Variants in SYTL2 observed in about 807,000 individuals in gnomAD.
SYTL2 encodes the protein synaptotagmin like 2.
SYTL2 carries 165 observed loss-of-function variants against 198.7 expected under a neutral mutation model. The ratio of observed to expected loss-of-function variants is 0.83; its 90% CI spans 0.73 to 0.94. The LOEUF (loss-of-function observed/expected upper bound fraction) is 0.94. Ranked by LOEUF, SYTL2 falls within the 40% of genes least tolerant of loss-of-function variation. The pLI is 0.00. For missense variants in SYTL2, 2,835 were observed against 2,582.8 expected, an observed-to-expected ratio of 1.10 and a Z score of -2.12; for synonymous variants, 966 against 917.7, an observed-to-expected ratio of 1.05 and a Z score of -0.95.
Position 85,697,991 on chromosome 11 carries a change from G to T in SYTL2, c.6356C>A (p.Ser2119Tyr), listed in dbSNP as rs371336843. 7.5e-6 allele frequency: 12 copies of T among 1,610,346 alleles called. No homozygotes were observed. The highest frequency in any genetic ancestry group is 9.3e-6 in the Non-Finnish European group (11 of 1,176,804). ...TCAATACTATTACCATTTAACAAAA[G>T]AATTTAGATGACTTCCCCTTAGCAG... ...LPLLRGSHLN[S>Y]FVKCTILPDT... is the part of the protein sequence containing the mutation. Residue 2119 changes from serine (S) to tyrosine (Y), a missense_variant, in exon 18 of 20, where the codon TCT (serine) becomes TAT (tyrosine). Around this residue, in one of 3 missense-constraint regions of SYTL2, gnomAD observed 185 missense variants for 182.1 expected, o/e 1.02. Coordinates refer to ENST00000359152, the MANE Select transcript of SYTL2 (RefSeq NM_206927.4).
At chr11:85,715,880 T>C (rs896728273) in intron 11 of SYTL2, among the ~76,000 whole-genome samples, 4 of 152,228 alleles carry the variant, frequency 2.6e-5, no homozygotes, top group Non-Finnish European at 5.9e-5. Context: ...TGTTGGATGA[T>C]GCTATGAAGG....
chr11:85,802,079 G>T (rs1343818473), intron 1 of SYTL2, among the ~76,000 whole-genome samples: 1 of 152,026 alleles, frequency 6.6e-6, no homozygotes, highest in African/African-American at 2.4e-5. Context: ...CTCCCAAAGT[G>T]CTGGGAATAC....
chr11:85,797,838 TTTGTTG>T (rs532015361), intron 1 of SYTL2, among the ~76,000 whole-genome samples: 2 of 151,112 alleles, frequency 1.3e-5, no homozygotes, highest in Admixed American at 1.3e-4. Context: ...CCACAAAGTT[TTTGTTG>T]TTGTTGTTGT....
At chr11:85,740,177 T>C (rs889822161) in intron 4 of SYTL2, among the ~76,000 whole-genome samples, 5 of 152,200 alleles carry the variant, frequency 3.3e-5, no homozygotes, top group African/African-American at 1.2e-4. Context: ...CCATCCACCA[T>C]CTGCCCCAAT....
chr11:85,724,180 T>G lies in SYTL2; in HGVS notation c.5178A>C (p.Glu1726Asp), dbSNP rs2088778395. 6.2e-7 allele frequency: 1 copy of G among 1,604,588 alleles called. No homozygotes were observed. The highest frequency in any genetic ancestry group is 1.3e-5 in the African/African-American group (1 of 74,094). ...CAACTTTACTTGTTTTTGTAGAGTT[T>G]TCTTTGTTCATCAGGAGAGGAATGG... is the stretch of plus-strand genomic sequence containing the variant. ...RQPIPLLMNK[E>D]NSTKTSKVEL... is the part of the protein sequence containing the mutation. Residue 1726 changes from glutamate (E) to aspartate (D), a missense_variant, in exon 8 of 20, where the codon GAA becomes GAC. Glu to Asp is a conservative substitution (Grantham distance 45, BLOSUM62 2). This residue lies in a region of SYTL2 where 2,645 missense variants were observed against 2,381.7 expected (regional missense o/e 1.11). Coordinates refer to ENST00000359152, the MANE Select transcript of SYTL2 (RefSeq NM_206927.4).
Position 85,726,982 on chromosome 11 carries a change from CA to C in SYTL2, c.2375del (p.Val792GlyfsTer17). 6.5e-7 allele frequency: 1 copy of C among 1,536,640 alleles called. No homozygotes were observed. The highest frequency in any genetic ancestry group is 2.4e-5 in the East Asian group (1 of 40,908). On this transcript the variant is annotated frameshift_variant, in exon 8 of 20. Coordinates refer to ENST00000359152, the MANE Select transcript of SYTL2 (RefSeq NM_206927.4). LOFTEE classifies it high-confidence loss of function. ...NQVQREKYKRVSDRISFWEGE... is the reference protein window; with the variant it reads ...NQVQREKYKRXSDRISFWEGE... ...CTTCCCAAAAGGATATTCTGTCACT[CA>C]CTCTTTTGTATTTCTCTCTCTGCAC...
At chr11:85,844,403 C>A in the SYTL2 span, among the ~76,000 whole-genome samples, 1 of 152,084 alleles carries the variant, frequency 6.6e-6, no homozygotes, top group South Asian at 2.1e-4. Flanking sequence ...GGTACATATT[C>A]CTGAAAATGT....
rs528113880 is a variant in SYTL2 at position 85,695,640 on chromosome 11, C to T, written c.6575-300G>A. Among the ~76,000 whole-genome samples the T allele has an allele frequency of 1.8e-3, 279 of 152,180 alleles. 1 individual carries two copies. The highest frequency in any genetic ancestry group is 3.3e-3 in the Non-Finnish European group (222 of 68,036). The stretch of plus-strand genomic sequence containing the variant: ...GACTCCTGCACTGGGTTGGAGATGA[C>T]ACTAGATAATCTCTAGGTTAGTGTG... On this transcript the variant is annotated intron_variant, in intron 19 of 19. Coordinates refer to ENST00000359152, the MANE Select transcript of SYTL2 (RefSeq NM_206927.4).
chr11:85,772,060 G>A (rs142145479), intron 1 of SYTL2, among the ~76,000 whole-genome samples: 1,749 of 152,054 alleles, frequency 0.012, 10 homozygotes, highest in Middle Eastern at 0.02. Flanking sequence ...ATGACACAAC[G>A]CCTGGCTAAT....
At chr11:85,816,645 C>T in the SYTL2 span, among the ~76,000 whole-genome samples, 1 of 152,176 alleles carries the variant, frequency 6.6e-6, no homozygotes, top group South Asian at 2.1e-4. Context: ...TACAGTGGCT[C>T]ACGCCTGTAA....
In SYTL2 at chr11:85,734,414, T is replaced by G; in HGVS notation, c.915A>C (p.Leu305=). ...TCTCAGAAATTCTCTCATGGATGGTTAGGCCAGGTGACACAATTTTGCTTT... is the reference window on the plus strand; with the variant it reads ...TCTCAGAAATTCTCTCATGGATGGTGAGGCCAGGTGACACAATTTTGCTTT... ...EPKSKIVSPG[L]TIHERISEKE... The change falls in exon 7 of 20, where the codon CTA becomes CTC. Residue 305 remains leucine (L), a synonymous_variant. Transcript: ENST00000359152. The G allele has an allele frequency of 6.2e-7, 1 of 1,614,208 alleles. No homozygotes were observed. The highest frequency in any genetic ancestry group is 8.5e-7 in the Non-Finnish European group (1 of 1,180,022).
At chr11:85,738,688 G>T (rs1279248686) in intron 4 of SYTL2, among the ~76,000 whole-genome samples, 1 of 152,180 alleles carries the variant, frequency 6.6e-6, no homozygotes, top group African/African-American at 2.4e-5. Context: ...AAGCCAGTGG[G>T]TGATATGAGG....
rs2088179135 is a variant in SYTL2 at position 85,720,792 on chromosome 11, A to C, written c.5428+66T>G. On this transcript the variant is annotated intron_variant, in intron 9 of 19. Transcript: ENST00000359152. The stretch of plus-strand genomic sequence containing the variant: ...GCACAACAGCACGCAGTGAGGCTAC[A>C]GGAGAGCACATAGGCATTTTTAAGC... 3 of 1,105,008 alleles carry C rather than the reference A, an allele frequency of 2.7e-6. No homozygotes were observed. The South Asian group carries it at 3.8e-5, about 14-fold the overall frequency. 68.5% of individuals were successfully genotyped at this position (1,105,008 alleles called of 1,614,324 possible).
rs373478538 is a variant in SYTL2 at position 85,737,651 on chromosome 11, C to T, written c.395G>A (p.Ser132Asn). The T allele has an allele frequency of 1.2e-5, 20 of 1,612,854 alleles. No individual in the cohort carries two copies. The highest frequency in any genetic ancestry group is 1.4e-5 in the Non-Finnish European group (17 of 1,179,064). Reference sequence around the variant, plus strand: ...CACACTGGAAGCTGGATTTACCACACTGGAACTGCAAAAGAAACAATAATT... The same window carrying T: ...CACACTGGAAGCTGGATTTACCACATTGGAACTGCAAAAGAAACAATAATT... ...EDAAPASPSS[S>N]VVNPASSVID... The change falls in exon 5 of 20, where the codon AGT becomes AAT. Residue 132 changes from serine to asparagine, a missense_variant. Coordinates refer to ENST00000359152, the MANE Select transcript of SYTL2 (RefSeq NM_206927.4).
At chr11:85,749,937 C>T (rs933766772) in intron 2 of SYTL2, among the ~76,000 whole-genome samples, 1 of 152,144 alleles carries the variant, frequency 6.6e-6, no homozygotes, top group African/African-American at 2.4e-5. Context: ...TCAGATCTTG[C>T]AGAGTGGAGG....
the SYTL2 span, among the ~76,000 whole-genome samples, chr11:85,816,228 C>T: frequency 6.6e-6 from 1 of 151,956 alleles, no homozygotes; most frequent in African/African-American, 2.4e-5. Context: ...GTGATCACTT[C>T]CCTCAGATAT....
At position 85,724,965 on chromosome 11, in the gene SYTL2, C is replaced by G. The variant is rs1015963930; in HGVS notation, c.4393G>C (p.Ala1465Pro). 1 of 1,613,650 alleles carries G rather than the reference C, an allele frequency of 6.2e-7. No homozygotes were observed. The highest frequency in any genetic ancestry group is 8.5e-7 in the Non-Finnish European group (1 of 1,179,826). The change falls in exon 8 of 20, where the codon GCT (alanine) becomes CCT (proline). Residue 1465 changes from alanine (A) to proline (P), a missense_variant. By Grantham distance (27) the Ala-to-Pro change is conservative (BLOSUM62 -1). This residue lies in a region of SYTL2 where 2,645 missense variants were observed against 2,381.7 expected (regional missense o/e 1.11). Transcript: ENST00000359152. ...TTGCCATATTGAGCAACAATGGAAG[C>G]AAATGAGCTAAGCGTCTGGTCTGAT... is the stretch of plus-strand genomic sequence containing the variant. ...SPSDQTLSSFASIVAQYGKGL... is the reference protein window; with the variant it reads ...SPSDQTLSSFPSIVAQYGKGL...
chr11:85,744,086 G>A lies in SYTL2; in HGVS notation c.389+1551C>T, dbSNP rs376794390. Among the ~76,000 whole-genome samples the A allele has an allele frequency of 3.3e-5, 5 of 152,188 alleles. No homozygotes were observed. In the East Asian group the frequency reaches 5.8e-4, roughly 18 times the overall value. ...CCTTCATTCCATTAGAGAGATTATA[G>A]GCAGGTGGCAAGTGGGGAGTCACCC... On this transcript the variant is annotated intron_variant, in intron 4 of 19. Coordinates refer to ENST00000359152, the MANE Select transcript of SYTL2 (RefSeq NM_206927.4).
At position 85,734,676 on chromosome 11, in the gene SYTL2, G is replaced by A; in HGVS notation, c.653C>T (p.Ser218Leu). Residue 218 changes from serine (S) to leucine (L), a missense_variant, in exon 7 of 20, where the codon TCA (serine) becomes TTA (leucine). Physicochemically the swap from Ser to Leu is moderately radical, Grantham distance 145. Around this residue, in one of 3 missense-constraint regions of SYTL2, gnomAD observed 2,645 missense variants for 2,381.7 expected, o/e 1.11. Transcript: ENST00000359152. Reference sequence around the variant, plus strand: ...TGAAAGGCCTGGCAAAGTCTGCTTTGATTTCTCTAACTTTTGGATTGAAGT... The same window carrying A: ...TGAAAGGCCTGGCAAAGTCTGCTTTAATTTCTCTAACTTTTGGATTGAAGT... Reference protein sequence around the residue: ...ADTSIQKLEKSKQTLPGLSNG... With the variant: ...ADTSIQKLEKLKQTLPGLSNG... The A allele has an allele frequency of 6.2e-7, 1 of 1,614,120 alleles. No individual in the cohort carries two copies. The highest frequency in any genetic ancestry group is 8.5e-7 in the Non-Finnish European group (1 of 1,180,000).
Sources: allele counts gnomAD v4.1 joint callset (sites outside exome capture counted in the v4.1 genomes callset), GRCh38; gene constraint gnomAD v4.1.1; regional missense constraint gnomAD v4.1.1; transcripts MANE v1.5; gene names NCBI Gene and HGNC (gene_info 2026-07-23, HGNC 2026-07-21).